RASSF3: variants seen among roughly 807,000 people sequenced by gnomAD.
RASSF3 encodes the protein Ras association domain family member 3.
A neutral mutation model predicts 19.9 loss-of-function variants in RASSF3; 19 were observed. The observed-to-expected ratio is 0.96, with a 90% CI of 0.67 to 1.40. The LOEUF is 1.40. RASSF3 is among the 40% of genes most tolerant of loss of function. The probability of loss-of-function intolerance (pLI) is 0.00; values close to 1 mark genes in which losing one functional copy is unlikely to be tolerated. For missense variants in RASSF3, 306 were observed against 289.8 expected (o/e 1.06, Z -0.41); for synonymous variants, 110 against 104.2 (o/e 1.06, Z -0.34).
intron 2 of RASSF3, among the ~76,000 whole-genome samples, chr12:64,582,511 CT>C (rs1869720254): frequency 6.6e-6 from 1 of 152,170 alleles, no homozygotes; most frequent in African/African-American, 2.4e-5. Context: ...GTAACTGAAT[CT>C]TTTTCTGTCT....
downstream of RASSF3, among the ~76,000 whole-genome samples, chr12:64,546,117 A>C (rs865932145): frequency 7.1e-3 from 1,070 of 151,422 alleles, 9 homozygotes; most frequent in Middle Eastern, 0.017. Flanking sequence ...AAAAAAAAAA[A>C]AAAGAATGCC....
chr12:64,564,082 A>G (rs1039818665), intron 2 of RASSF3, among the ~76,000 whole-genome samples: 5 of 152,162 alleles, frequency 3.3e-5, no homozygotes, highest in African/African-American at 1.2e-4. Context: ...AGCTAATGTC[A>G]TTGCGGATTT....
intron 2 of RASSF3, among the ~76,000 whole-genome samples, chr12:64,565,368 G>A (rs1869411927): frequency 6.6e-6 from 1 of 151,804 alleles, no homozygotes. Context: ...CCTGAGATCA[G>A]GAGTTCAAGA....
At chr12:64,605,716 C>A (rs1020529954), upstream of RASSF3, among the ~76,000 whole-genome samples, 1 of 151,846 alleles carries the variant, frequency 6.6e-6, no homozygotes, top group Admixed American at 6.6e-5. Context: ...ATGGAGAAAC[C>A]CCATCTCTAC....
At chr12:64,570,773 C>T (rs1188843274) in intron 2 of RASSF3, among the ~76,000 whole-genome samples, 5 of 152,170 alleles carry the variant, frequency 3.3e-5, no homozygotes, top group African/African-American at 1.2e-4. Flanking sequence ...CAGCATTTCT[C>T]ACGAGCTTTT....
chr12:64,658,305 G>T (rs1488141643), intron 1 of RASSF3, among the ~76,000 whole-genome samples: 2 of 152,084 alleles, frequency 1.3e-5, no homozygotes, highest in African/African-American at 4.8e-5. Context: ...GGTGCCAAAG[G>T]AACTGTGTGC....
chr12:64,664,903 TC>T (rs1298098624), intron 1 of RASSF3, among the ~76,000 whole-genome samples: 1 of 152,228 alleles, frequency 6.6e-6, no homozygotes, highest in East Asian at 1.9e-4. Flanking sequence ...AAATTATACT[TC>T]TAAAACTATT....
At chr12:64,583,814 G>C (rs1247548402) in intron 2 of RASSF3, among the ~76,000 whole-genome samples, 1 of 152,062 alleles carries the variant, frequency 6.6e-6, no homozygotes, top group Non-Finnish European at 1.5e-5. Flanking sequence ...CTCCAATCAC[G>C]TCCACTTCCT....
At chr12:64,610,058 C>A (rs1870279382), upstream of RASSF3, among the ~76,000 whole-genome samples, 1 of 152,084 alleles carries the variant, frequency 6.6e-6, no homozygotes, top group South Asian at 2.1e-4. Flanking sequence ...GTCCCTCGGC[C>A]GGGCAACCCC....
intron 1 of RASSF3, among the ~76,000 whole-genome samples, chr12:64,637,193 G>C (rs746646894): frequency 6.6e-6 from 1 of 152,138 alleles, no homozygotes; most frequent in Admixed American, 6.6e-5. Context: ...AGCAGCAGGC[G>C]CCTTGGGGGC....
At chr12:64,550,310 G>A (rs1869136612) in intron 2 of RASSF3, among the ~76,000 whole-genome samples, 1 of 152,046 alleles carries the variant, frequency 6.6e-6, no homozygotes, top group African/African-American at 2.4e-5. Context: ...AGGGAGAAGA[G>A]AGAAGAGGGG....
chr12:64,638,576 T>C (rs940380953), intron 1 of RASSF3, among the ~76,000 whole-genome samples: 5 of 117,204 alleles, frequency 4.3e-5, no homozygotes, highest in Non-Finnish European at 9.1e-5. Flanking sequence ...TGAGACTCCG[T>C]CTCAAAAAAA....
At chr12:64,611,135 A>G (rs1322149742) in intron 1 of RASSF3, among the ~76,000 whole-genome samples, 1 of 149,364 alleles carries the variant, frequency 6.7e-6, no homozygotes, top group Non-Finnish European at 1.5e-5. Context: ...CCTTCCTGTT[A>G]GTCAGCTTAC....
downstream of RASSF3, among the ~76,000 whole-genome samples, chr12:64,544,501 C>A (rs968926644): frequency 1.3e-5 from 2 of 152,094 alleles, no homozygotes; most frequent in African/African-American, 4.8e-5. Flanking sequence ...CCTGTGGTCC[C>A]AACTACCTGG....
At chr12:64,662,470 T>C (rs1296122698) in intron 1 of RASSF3, among the ~76,000 whole-genome samples, 1 of 148,548 alleles carries the variant, frequency 6.7e-6, no homozygotes, top group Non-Finnish European at 1.5e-5. Context: ...GTTAGATTAG[T>C]GGTCAGTTGC....
chr12:64,534,382 C>T (rs1359517629), intron 1 of RASSF3, among the ~76,000 whole-genome samples: 1 of 152,164 alleles, frequency 6.6e-6, no homozygotes, highest in African/African-American at 2.4e-5. Context: ...AAGGTCCCAG[C>T]TACTCGGGAG....
rs562317239 is a variant in RASSF3 at position 64,625,098 on chromosome 12, G to A, written c.111+14355G>A. 2.1e-3 allele frequency among the ~76,000 whole-genome samples: 314 copies of A among 152,192 alleles called. 2 individuals carry two copies. The highest frequency in any genetic ancestry group is 0.014 in the Middle Eastern group (4 of 294). ...GGAACTAATAGTCCAGCCAAAGAGCGAAAAATGGCAGGAAATTGGAAATTA... is the reference window on the plus strand; with the variant it reads ...GGAACTAATAGTCCAGCCAAAGAGCAAAAAATGGCAGGAAATTGGAAATTA... On this transcript the variant is annotated intron_variant, in intron 1 of 4. Transcript: ENST00000542104.
At chr12:64,517,693 A>G (rs138114449) in intron 1 of RASSF3, among the ~76,000 whole-genome samples, 2,829 of 150,806 alleles carry the variant, frequency 0.019, 84 homozygotes, top group African/African-American at 0.066. Context: ...ATCATGGCCC[A>G]CTGCAGCCTC....
At chr12:64,552,148 G>C (rs1335963941) in intron 2 of RASSF3, among the ~76,000 whole-genome samples, 1 of 152,026 alleles carries the variant, frequency 6.6e-6, no homozygotes, top group Non-Finnish European at 1.5e-5. Context: ...TTTTTTAAAG[G>C]ACATGGGAAA....
Sources: gnomAD v4.1 joint callset for allele counts (sites outside exome capture counted in the v4.1 genomes callset) on GRCh38, gnomAD v4.1.1 for gene constraint, MANE v1.5 for transcripts, NCBI Gene and HGNC (gene_info 2026-07-23, HGNC 2026-07-21) for gene names.